SCAI: variants seen among roughly 807,000 people sequenced by gnomAD.
SCAI encodes suppressor of cancer cell invasion.
SCAI carries 24 observed loss-of-function variants against 92.2 expected under a neutral mutation model. The ratio of observed to expected loss-of-function variants is 0.26; its 90% confidence interval spans 0.19 to 0.37. The LOEUF (loss-of-function observed/expected upper bound fraction) is 0.37, where lower values mean the gene tolerates loss of function less well. Among genes scored for constraint, SCAI ranks in the 10% least tolerant of loss-of-function variants. The pLI, the probability that SCAI is intolerant of heterozygous loss-of-function variation, is 1.00. For missense variants in SCAI, 450 were observed against 736.2 expected, an observed-to-expected ratio of 0.61 and a Z score of 4.50; for synonymous variants, 261 against 258.6, an observed-to-expected ratio of 1.01 and a Z score of -0.09.
intron 2 of SCAI, among the ~76,000 whole-genome samples, chr9:125,077,648 T>C (rs1834118374): frequency 1.3e-5 from 2 of 152,200 alleles, no homozygotes; most frequent in African/African-American, 2.4e-5. Context: ...CCCTGATGGC[T>C]TTTCTGTGTT....
At chr9:124,969,559 C>T (rs1308181924) in intron 17 of SCAI, among the ~76,000 whole-genome samples, 1 of 152,078 alleles carries the variant, frequency 6.6e-6, no homozygotes, top group Non-Finnish European at 1.5e-5. Context: ...CAGTAATCCT[C>T]GAAATAAAAA....
intron 15 of SCAI, among the ~76,000 whole-genome samples, chr9:124,972,590 A>C (rs1208413018): frequency 2.0e-5 from 3 of 152,206 alleles, no homozygotes. Flanking sequence ...TACTTCTTTT[A>C]AGTACTGCTG....
chr9:125,044,369 T>C (rs1833392766), intron 3 of SCAI, among the ~76,000 whole-genome samples: 1 of 152,062 alleles, frequency 6.6e-6, no homozygotes, highest in Non-Finnish European at 1.5e-5. Flanking sequence ...CTCTGTGGGA[T>C]GACATGCCTA....
At chr9:125,067,914 T>A (rs1432940540) in intron 2 of SCAI, among the ~76,000 whole-genome samples, 1 of 152,198 alleles carries the variant, frequency 6.6e-6, no homozygotes, top group African/African-American at 2.4e-5. Context: ...TTGTTGATAA[T>A]TACTTTTTAT....
chr9:124,982,524 A>T (rs186560213), intron 14 of SCAI, among the ~76,000 whole-genome samples: 80 of 151,894 alleles, frequency 5.3e-4, no homozygotes, highest in African/African-American at 1.8e-3. Context: ...ATAAAAAAAT[A>T]AAAAAATTAG....
intron 2 of SCAI, among the ~76,000 whole-genome samples, chr9:125,138,095 T>C (rs530725143): frequency 6.6e-6 from 1 of 152,300 alleles, no homozygotes; most frequent in Non-Finnish European, 1.5e-5. Context: ...TCATTTCTTC[T>C]TGGCCTTTAT....
intron 3 of SCAI, among the ~76,000 whole-genome samples, chr9:125,043,766 G>A (rs1250708999): frequency 6.6e-6 from 1 of 152,194 alleles, no homozygotes; most frequent in Admixed American, 6.5e-5. Context: ...GATTATGATG[G>A]TGGTGGCAGC....
chr9:125,051,974 G>A (rs1030976052), intron 3 of SCAI, among the ~76,000 whole-genome samples: 2 of 152,056 alleles, frequency 1.3e-5, no homozygotes, highest in Non-Finnish European at 2.9e-5. Flanking sequence ...TTGAACCCGG[G>A]AGGCAGAGGC....
At chr9:125,005,960 T>C (rs937209999) in intron 9 of SCAI, among the ~76,000 whole-genome samples, 6 of 152,300 alleles carry the variant, frequency 3.9e-5, no homozygotes, top group Middle Eastern at 3.4e-3. Flanking sequence ...TTTGAGAATC[T>C]GAATTAACAT....
At chr9:125,069,157 G>T (rs1833928122) in intron 2 of SCAI, among the ~76,000 whole-genome samples, 1 of 152,010 alleles carries the variant, frequency 6.6e-6, no homozygotes, top group Admixed American at 6.5e-5. Context: ...GGCAGAGGTT[G>T]CAGTGAGCCA....
intron 17 of SCAI, among the ~76,000 whole-genome samples, chr9:124,967,284 G>A (rs1234983246): frequency 6.6e-6 from 1 of 152,086 alleles, no homozygotes; most frequent in Non-Finnish European, 1.5e-5. Context: ...TACCCAATGG[G>A]AATTAGAGCT....
At chr9:124,991,990 C>T (rs753813653) in intron 14 of SCAI, among the ~76,000 whole-genome samples, 1 of 152,174 alleles carries the variant, frequency 6.6e-6, no homozygotes, top group Non-Finnish European at 1.5e-5. Context: ...GATCGCAGCT[C>T]ATGCATCTTT....
chr9:125,043,619 C>G (rs1271613077), intron 3 of SCAI, among the ~76,000 whole-genome samples: 1 of 152,190 alleles, frequency 6.6e-6, no homozygotes, highest in Non-Finnish European at 1.5e-5. Flanking sequence ...TGGCACCACA[C>G]TCAGCTAATA....
chr9:125,052,021 T>C (rs1368994409), intron 3 of SCAI, among the ~76,000 whole-genome samples: 1 of 152,120 alleles, frequency 6.6e-6, no homozygotes, highest in Non-Finnish European at 1.5e-5. Flanking sequence ...CACTCCAGCC[T>C]GGGTGACAAA....
intron 2 of SCAI, among the ~76,000 whole-genome samples, chr9:125,088,888 T>A (rs1834374461): frequency 6.6e-6 from 1 of 152,026 alleles, no homozygotes; most frequent in Non-Finnish European, 1.5e-5. Flanking sequence ...GTTGTGGGGG[T>A]TGTCTGGTAC....
At chr9:124,983,095 T>C (rs183133118) in intron 14 of SCAI, among the ~76,000 whole-genome samples, 12 of 150,708 alleles carry the variant, frequency 8.0e-5, no homozygotes, top group African/African-American at 2.7e-4. Flanking sequence ...GAGGCTGCAG[T>C]GAGCTATGAC....
Position 125,143,520 on chromosome 9 carries a change from CGGAGA to C in SCAI, c.-88_-84del. On this transcript the variant is annotated 5_prime_UTR_variant, in exon 1 of 18. Coordinates refer to ENST00000336505, the MANE Select transcript of SCAI (RefSeq NM_001144877.3). ...CTGAGGCGGCGGAGGCTGGAGTAGG[CGGAGA>C]GGCGGGAGGAGGGCCTCGCGCCTCT... is the stretch of plus-strand genomic sequence containing the variant. 8.3e-7 allele frequency: 1 copy of C among 1,211,022 alleles called. No homozygotes were observed. The highest frequency in any genetic ancestry group is 2.4e-5 in the South Asian group (1 of 42,482). 75.0% of individuals were successfully genotyped at this position (1,211,022 alleles called of 1,614,324 possible). A position where few individuals can be genotyped will look rare whatever the true frequency, so the allele number is the denominator to read the frequency against.
chr9:125,002,070 A>G, intron 11 of SCAI, 27 bp from the exon 12 acceptor site: 1 of 1,461,788 alleles, frequency 6.8e-7, no homozygotes, highest in Non-Finnish European at 9.6e-7. Context: ...TCACATACAC[A>G]AAACAACAAA....
chr9:124,953,695 G>A (rs1831269878), intron 17 of SCAI, among the ~76,000 whole-genome samples: 1 of 152,044 alleles, frequency 6.6e-6, no homozygotes, highest in Admixed American at 6.5e-5. Context: ...TTACAGGCGT[G>A]AGCCACCGTG....
Sources: gnomAD v4.1 joint callset for allele counts (sites outside exome capture counted in the v4.1 genomes callset) on GRCh38, gnomAD v4.1.1 for gene constraint, MANE v1.5 for transcripts, NCBI Gene and HGNC (gene_info 2026-07-23, HGNC 2026-07-21) for gene names.